The following TBC1D9 variants were observed in gnomAD, a reference collection of about 807,000 sequenced individuals.
TBC1D9 encodes the protein TBC1 domain family member 9.
TBC1D9 carries 63 observed loss-of-function variants against 132.0 expected under a neutral mutation model. That is an observed-to-expected ratio of 0.48 (90% CI 0.39 to 0.59). The LOEUF (loss-of-function observed/expected upper bound fraction) is 0.59. Ranked by LOEUF, TBC1D9 falls within the 20% of genes least tolerant of loss-of-function variation. The pLI, the probability that TBC1D9 is intolerant of heterozygous loss-of-function variation, is 0.00. For synonymous variants in TBC1D9, 610 were observed against 609.9 expected, an observed-to-expected ratio of 1.00 and a Z score of 0.00; for missense variants, 1,261 against 1,592.7, an observed-to-expected ratio of 0.79 and a Z score of 3.54.
intron 1 of TBC1D9, among the ~76,000 whole-genome samples, chr4:140,723,220 T>C (rs148832912): frequency 9.1e-4 from 139 of 152,354 alleles, no homozygotes; most frequent in African/African-American, 3.2e-3. Context: ...AGGATGTCCA[T>C]GTTCCACAAC....
Position 140,677,222 on chromosome 4 carries a change from G to T in TBC1D9, c.852-121C>A, listed in dbSNP as rs756081822. On this transcript the variant is annotated intron_variant, in intron 5 of 20. Coordinates refer to ENST00000442267, the MANE Select transcript of TBC1D9 (RefSeq NM_015130.3). Reference sequence around the variant, plus strand: ...CTCAATCTTGCTAGACTCATCCCCCGCTTCTCAGCTTTCTTTATATTGAAG... The same window carrying T: ...CTCAATCTTGCTAGACTCATCCCCCTCTTCTCAGCTTTCTTTATATTGAAG... 7.4e-6 allele frequency: 8 copies of T among 1,077,242 alleles called. No individual in the cohort carries two copies. In the African/African-American group the frequency reaches 1.3e-4, roughly 17 times the overall value. The allele number at this position is 1,077,242 out of a possible 1,614,324, so 66.7% of individuals were successfully genotyped here.
intron 1 of TBC1D9, among the ~76,000 whole-genome samples, chr4:140,714,417 T>C (rs548893900): frequency 5.3e-5 from 8 of 152,160 alleles, no homozygotes; most frequent in Non-Finnish European, 1.2e-4. Flanking sequence ...TTCTGGGTCT[T>C]TGGTGGATTC....
chr4:140,643,552 T>A, intron 13 of TBC1D9: 1 of 881,772 alleles, frequency 1.1e-6, no homozygotes, highest in Non-Finnish European at 1.8e-6. Flanking sequence ...CAGTCTGACA[T>A]TTCTAGGCTG....
chr4:140,702,225 C>A (rs996936009), intron 1 of TBC1D9, among the ~76,000 whole-genome samples: 8 of 152,194 alleles, frequency 5.3e-5, no homozygotes, highest in African/African-American at 1.9e-4. Flanking sequence ...TTCTTTCAGT[C>A]AAGAACCCCA....
chr4:140,642,863 C>T (rs928633203), intron 13 of TBC1D9: 3 of 574,196 alleles, frequency 5.2e-6, no homozygotes, highest in Admixed American at 3.2e-5. Context: ...TCTGTTTCCA[C>T]GGCCTGCGTG....
At chr4:140,711,996 C>T (rs1738251167) in intron 1 of TBC1D9, among the ~76,000 whole-genome samples, 1 of 152,092 alleles carries the variant, frequency 6.6e-6, no homozygotes, top group African/African-American at 2.4e-5. Context: ...TATATAATTA[C>T]CTCCAACCTT....
At chr4:140,692,864 A>G (rs1192921393) in intron 2 of TBC1D9, among the ~76,000 whole-genome samples, 1 of 152,004 alleles carries the variant, frequency 6.6e-6, no homozygotes, top group African/African-American at 2.4e-5. Context: ...TACAAAAATT[A>G]CAAAAATTAG....
In TBC1D9 at chr4:140,644,048, C is replaced by G. The variant is rs991875333; in HGVS notation, c.2338-4620G>C. The stretch of plus-strand genomic sequence containing the variant: ...ACAGGAGGATGAGCTTGTCTTCGGG[C>G]GAGAGTGTCAGGCGCTTGGTCCCAT... On this transcript the variant is annotated intron_variant, in intron 13 of 20. Coordinates refer to ENST00000442267, the MANE Select transcript of TBC1D9 (RefSeq NM_015130.3). 19 of 447,542 alleles carry G rather than the reference C, an allele frequency of 4.2e-5. 1 individual carries two copies. Among genetic ancestry groups the G allele is most frequent in the South Asian group, 4.0e-4 (19 of 47,952 alleles). 27.7% of individuals were successfully genotyped at this position (447,542 alleles called of 1,614,324 possible).
chr4:140,707,462 G>T (rs1313546751), intron 1 of TBC1D9, among the ~76,000 whole-genome samples: 4 of 152,124 alleles, frequency 2.6e-5, no homozygotes, highest in Non-Finnish European at 5.9e-5. Context: ...TTTTGGCTCA[G>T]TACTTCCTCT....
chr4:140,645,956 C>A (rs1560872126), intron 13 of TBC1D9, among the ~76,000 whole-genome samples: 1 of 152,238 alleles, frequency 6.6e-6, no homozygotes, highest in Non-Finnish European at 1.5e-5. Context: ...CCCCACCCTT[C>A]ACTGTGCCAT....
chr4:140,679,269 C>T (rs1309695754), intron 4 of TBC1D9, 66 bp from the exon 5 acceptor site: 51 of 1,519,996 alleles, frequency 3.4e-5, no homozygotes, highest in Non-Finnish European at 2.9e-5. Flanking sequence ...ATATTGCAGT[C>T]TCACAACCCC....
At chr4:140,748,739 A>AGTTTTTG (rs1366347481) in intron 1 of TBC1D9, among the ~76,000 whole-genome samples, 6 of 152,222 alleles carry the variant, frequency 3.9e-5, no homozygotes, top group Non-Finnish European at 8.8e-5. Context: ...TAATAAAGAC[A>AGTTTTTG]TTTGGAGACA....
chr4:140,668,954 C>T lies in TBC1D9; in HGVS notation c.1551G>A (p.Pro517=), dbSNP rs747931519. The change falls in exon 9 of 21, where the codon CCG becomes CCA. Residue 517 remains proline, a synonymous_variant. Transcript: ENST00000442267. ...KTRELVLKGI[P]ESMRGELWLL... ...GCCAGAGCTCCCCACGCATGCTCTC[C>T]GGGATGCCCTTCAACACCAGCTCCC... 2.5e-6 allele frequency: 4 copies of T among 1,613,932 alleles called. No homozygotes were observed. Among genetic ancestry groups the T allele is most frequent in the Admixed American group, 3.3e-5 (2 of 60,020 alleles).
rs769634349 is a variant in TBC1D9, at chr4:140,668,955, G to A, written c.1550C>T (p.Pro517Leu). ...KTRELVLKGIPESMRGELWLL... is the reference protein window; with the variant it reads ...KTRELVLKGILESMRGELWLL... ...CCAGAGCTCCCCACGCATGCTCTCC[G>A]GGATGCCCTTCAACACCAGCTCCCG... Residue 517 changes from proline to leucine, a missense_variant, in exon 9 of 21, where the codon CCG (proline) becomes CTG (leucine). By Grantham distance (98) the Pro-to-Leu change is moderately conservative. This residue lies in a region of TBC1D9 where 550 missense variants were observed against 699.0 expected (regional missense o/e 0.79). Coordinates refer to ENST00000442267, the MANE Select transcript of TBC1D9 (RefSeq NM_015130.3). 1.9e-6 allele frequency: 3 copies of A among 1,613,788 alleles called. No homozygotes were observed. The highest frequency in any genetic ancestry group is 1.1e-5 in the South Asian group (1 of 91,056).
At position 140,670,702 on chromosome 4, in the gene TBC1D9, C is replaced by T. The variant is rs369823911; in HGVS notation, c.1266+18G>A. 7 of 1,608,370 alleles carry T rather than the reference C, an allele frequency of 4.4e-6. No individual in the cohort carries two copies. The highest frequency in any genetic ancestry group is 5.1e-6 in the Non-Finnish European group (6 of 1,176,118). On this transcript the variant is annotated intron_variant, in intron 7 of 20. Coordinates refer to ENST00000442267, the MANE Select transcript of TBC1D9 (RefSeq NM_015130.3). ...GAACAGGATAAACCAAAAATACTTT[C>T]AGGTGTCTCCCACAGACCTCATCAT...
intron 15 of TBC1D9, among the ~76,000 whole-genome samples, chr4:140,635,657 T>C (rs1736868174): frequency 6.6e-6 from 1 of 152,078 alleles, no homozygotes; most frequent in Non-Finnish European, 1.5e-5. Context: ...TTATTGGGAA[T>C]TGTAGTGAAA....
chr4:140,654,711 G>A (rs1737238950), intron 13 of TBC1D9, among the ~76,000 whole-genome samples: 1 of 152,054 alleles, frequency 6.6e-6, no homozygotes, highest in Non-Finnish European at 1.5e-5. Context: ...GAGACAGTAA[G>A]GTGAAACATT....
intron 3 of TBC1D9, among the ~76,000 whole-genome samples, chr4:140,680,192 C>T (rs1737682887): frequency 2.0e-5 from 3 of 152,144 alleles, no homozygotes; most frequent in Admixed American, 2.0e-4. Flanking sequence ...AAGTCAACTT[C>T]TGCCTTTCTC....
intron 6 of TBC1D9, among the ~76,000 whole-genome samples, chr4:140,676,217 C>G (rs1468173490): frequency 1.3e-5 from 2 of 152,222 alleles, no homozygotes; most frequent in Non-Finnish European, 2.9e-5. Context: ...TCCCTCCTGC[C>G]TCCTCTGACC....
Sources: gnomAD v4.1 joint callset for allele counts (sites outside exome capture counted in the v4.1 genomes callset) on GRCh38, gnomAD v4.1.1 for gene constraint, gnomAD v4.1.1 regional missense constraint, MANE v1.5 for transcripts, NCBI Gene and HGNC (gene_info 2026-07-23, HGNC 2026-07-21) for gene names.